The following ITGB1BP1 variants were observed in gnomAD, a reference collection of about 807,000 sequenced individuals.
The protein encoded by ITGB1BP1 is integrin subunit beta 1 binding protein 1.
ITGB1BP1 carries 20 observed loss-of-function variants against 28.0 expected under a neutral mutation model. That is an observed-to-expected ratio of 0.71 (90% CI 0.50 to 1.04). The LOEUF (loss-of-function observed/expected upper bound fraction) is 1.04. ITGB1BP1 is among the 50% of genes least tolerant of loss of function. The pLI, the probability that ITGB1BP1 is intolerant of heterozygous loss-of-function variation, is 0.00. For synonymous variants in ITGB1BP1, 103 were observed against 89.5 expected, an observed-to-expected ratio of 1.15 and a Z score of -0.85; for missense variants, 228 against 242.5, an observed-to-expected ratio of 0.94 and a Z score of 0.40.
chr2:9,418,361 A>T (rs1268178309), intron 2 of ITGB1BP1, among the ~76,000 whole-genome samples: 1 of 152,216 alleles, frequency 6.6e-6, no homozygotes, highest in African/African-American at 2.4e-5. Context: ...AAAATTTTTT[A>T]AATCAGTGCT....
In ITGB1BP1 at chr2:9,403,723, G is replaced by A. The variant is rs11537589; in HGVS notation, c.*3111C>T. 26,935 of 170,368 alleles carry A rather than the reference G, an allele frequency of 0.16. 2,529 individuals are homozygous for A. Among genetic ancestry groups the A allele is most frequent in the Middle Eastern group, 0.26 (92 of 358 alleles). 10.6% of individuals were successfully genotyped at this position (170,368 alleles called of 1,614,324 possible). On this transcript the variant is annotated 3_prime_UTR_variant, in exon 7 of 7. Coordinates refer to ENST00000355346, the MANE Select transcript of ITGB1BP1 (RefSeq NM_004763.5). ...CTTTATCACAATTATTATTTTAGGCGGCCAGTGAACTGCTGCTTCAGAAGT... is the reference window on the plus strand; with the variant it reads ...CTTTATCACAATTATTATTTTAGGCAGCCAGTGAACTGCTGCTTCAGAAGT...
At chr2:9,412,042 CAAA>C (rs56249290) in intron 4 of ITGB1BP1, 6,220 of 227,026 alleles carry the variant, frequency 0.027, no homozygotes, top group South Asian at 0.036. Context: ...AACTTGGTCT[CAAA>C]AAAAAAAAAA....
Position 9,408,205 on chromosome 2 carries a change from G to T in ITGB1BP1, c.289C>A (p.Gln97Lys). The change falls in exon 5 of 7, where the codon CAA (glutamine) becomes AAA (lysine). Residue 97 changes from glutamine to lysine, a missense_variant and splice_region_variant. Physicochemically the swap from Gln to Lys is moderately conservative, Grantham distance 53 (BLOSUM62 1). Coordinates refer to ENST00000355346, the MANE Select transcript of ITGB1BP1 (RefSeq NM_004763.5). ...DLINYIDVAQ[Q>K]DGKLPFVPPE... is the part of the protein sequence containing the mutation. ...GGAACAAAAGGCAACTTTCCATCTTGCTTTAAAGTAAAAATAAATTCCATG... is the reference window on the plus strand; with the variant it reads ...GGAACAAAAGGCAACTTTCCATCTTTCTTTAAAGTAAAAATAAATTCCATG... 2 of 1,559,278 alleles carry T rather than the reference G, an allele frequency of 1.3e-6. No individual in the cohort carries two copies. Among genetic ancestry groups the T allele is most frequent in the Non-Finnish European group, 1.8e-6 (2 of 1,132,426 alleles).
In ITGB1BP1 at chr2:9,423,449, C is replaced by A; in HGVS notation, c.-112G>T. 1 of 1,159,508 alleles carries A rather than the reference C, an allele frequency of 8.6e-7. No individual in the cohort carries two copies. The highest frequency in any genetic ancestry group is 1.1e-6 in the Non-Finnish European group (1 of 933,296). 71.8% of individuals were successfully genotyped at this position (1,159,508 alleles called of 1,614,324 possible). ...AGTGCCGCGGCCTTTGGCGCCCAGG[C>A]AGCTACTCCCGTTCCCGCTCCAGCG... On this transcript the variant is annotated 5_prime_UTR_variant, in exon 1 of 7. Transcript: ENST00000355346.
rs946177371 is a variant in ITGB1BP1, at chr2:9,405,698, T to G, written c.*1136A>C. On this transcript the variant is annotated 3_prime_UTR_variant, in exon 7 of 7. Transcript: ENST00000355346. ...AATGGACATGGTTTTATTTTTAATGTTTTTAATCTTTAAAGTTTTGTATAT... is the reference window on the plus strand; with the variant it reads ...AATGGACATGGTTTTATTTTTAATGGTTTTAATCTTTAAAGTTTTGTATAT... 1.3e-5 allele frequency: 2 copies of G among 152,380 alleles called. No homozygotes were observed. The highest frequency in any genetic ancestry group is 4.8e-5 in the African/African-American group (2 of 41,450). The allele number at this position is 152,380 out of a possible 1,614,324, so 9.4% of individuals were successfully genotyped here.
intron 3 of ITGB1BP1, among the ~76,000 whole-genome samples, chr2:9,413,582 G>C (rs1678738227): frequency 6.6e-6 from 1 of 152,088 alleles, no homozygotes; most frequent in African/African-American, 2.4e-5. Flanking sequence ...CACCTGCCTT[G>C]GACCCCCGAA....
Position 9,404,528 on chromosome 2 carries a change from G to A in ITGB1BP1, c.*2306C>T, listed in dbSNP as rs149243909. 2.0e-5 allele frequency: 3 copies of A among 152,396 alleles called. No individual in the cohort carries two copies. In the East Asian group the frequency reaches 5.8e-4, roughly 29 times the overall value. The allele number at this position is 152,396 out of a possible 1,614,324, so 9.4% of individuals were successfully genotyped here. On this transcript the variant is annotated 3_prime_UTR_variant, in exon 7 of 7. Coordinates refer to ENST00000355346, the MANE Select transcript of ITGB1BP1 (RefSeq NM_004763.5). ...ACTGTCATACCTCTATTTAGTAATTGCGAGGGTAAGATTCATAGTAGGAAT... is the reference window on the plus strand; with the variant it reads ...ACTGTCATACCTCTATTTAGTAATTACGAGGGTAAGATTCATAGTAGGAAT...
intron 1 of ITGB1BP1, chr2:9,422,778 C>T: frequency 2.0e-6 from 2 of 985,818 alleles, no homozygotes; most frequent in East Asian, 1.1e-4. Context: ...TGCACAGATC[C>T]CTCTCACCCT....
Position 9,406,866 on chromosome 2 carries a change from A to G in ITGB1BP1, c.571T>C (p.Phe191Leu). ...TTCTCAGATGTTAATACAGAGTCAA[A>G]AGCGGTGGATAAAACCTTGCAAATG... ...QAICKVLSTA[F>L]DSVLTSEKP The change falls in exon 7 of 7, where the codon TTT becomes CTT. Residue 191 changes from phenylalanine to leucine, a missense_variant. Transcript: ENST00000355346. The G allele has an allele frequency of 1.2e-6, 2 of 1,613,610 alleles. No homozygotes were observed. Among genetic ancestry groups the G allele is most frequent in the South Asian group, 2.2e-5 (2 of 91,066 alleles).
In ITGB1BP1 at chr2:9,405,789, A is replaced by G. The variant is rs1427860540; in HGVS notation, c.*1045T>C. On this transcript the variant is annotated 3_prime_UTR_variant, in exon 7 of 7. Transcript: ENST00000355346. ...GGGATCTTTACATACTTTTAGCATG[A>G]GCGGTAATCTTTTAAGGTTCTCTTA... The G allele has an allele frequency of 1.3e-5, 2 of 152,218 alleles. No individual in the cohort carries two copies. The highest frequency in any genetic ancestry group is 2.1e-4 in the South Asian group (1 of 4,828). 9.4% of individuals were successfully genotyped at this position (152,218 alleles called of 1,614,324 possible). A position where few individuals can be genotyped will look rare whatever the true frequency, so the allele number is the denominator to read the frequency against.
intron 4 of ITGB1BP1, among the ~76,000 whole-genome samples, chr2:9,410,008 C>A (rs1311493590): frequency 3.3e-5 from 5 of 151,974 alleles, no homozygotes; most frequent in Non-Finnish European, 7.4e-5. Flanking sequence ...CCACACCCAA[C>A]TAATTTTTTT....
At chr2:9,418,965 G>A (rs528789627) in intron 1 of ITGB1BP1, among the ~76,000 whole-genome samples, 26 of 152,208 alleles carry the variant, frequency 1.7e-4, no homozygotes, top group Admixed American at 1.3e-3. Context: ...TGTTGGCCAG[G>A]CTGGTCTCAA....
At chr2:9,421,587 T>C (rs1679852993) in intron 1 of ITGB1BP1, among the ~76,000 whole-genome samples, 1 of 150,278 alleles carries the variant, frequency 6.7e-6, no homozygotes, top group Non-Finnish European at 1.5e-5. Flanking sequence ...CTCAGGAGCC[T>C]GAGGCAGGAG....
At chr2:9,419,622 T>C (rs1679547528) in intron 1 of ITGB1BP1, among the ~76,000 whole-genome samples, 2 of 152,160 alleles carry the variant, frequency 1.3e-5, no homozygotes, top group Admixed American at 6.6e-5. Context: ...AATAAATGCA[T>C]TGGAAACTAA....
At chr2:9,407,060 G>A in intron 6 of ITGB1BP1, 155 bp from the exon 7 acceptor site, 1 of 650,374 alleles carries the variant, frequency 1.5e-6, no homozygotes, top group Non-Finnish European at 2.8e-6. Flanking sequence ...CATACTATGA[G>A]CTTCCCTGCA....
chr2:9,422,426 C>G (rs1480822985), intron 1 of ITGB1BP1: 3 of 985,498 alleles, frequency 3.0e-6, no homozygotes, highest in East Asian at 2.3e-4. Context: ...CGCGCCCCTG[C>G]TTTGCACCGC....
chr2:9,409,612 T>C (rs926179281), intron 4 of ITGB1BP1, among the ~76,000 whole-genome samples: 17 of 152,298 alleles, frequency 1.1e-4, no homozygotes, highest in Non-Finnish European at 2.1e-4. Flanking sequence ...ACTACAACTT[T>C]AAGCGAAATC....
At position 9,412,374 on chromosome 2, in the gene ITGB1BP1, T is replaced by C. The variant is rs201370938; in HGVS notation, c.183A>G (p.Ala61=). ...CACCAACATATTTTATTCGAAATTCTGCACAGGTATCTGAATTATTGTTGC... is the reference window on the plus strand; with the variant it reads ...CACCAACATATTTTATTCGAAATTCCGCACAGGTATCTGAATTATTGTTGC... The part of the protein sequence containing the change: ...GQSNNNSDTC[A]EFRIKYVGAI... Residue 61 remains alanine (A), a synonymous_variant, in exon 4 of 7, where the codon GCA becomes GCG. Transcript: ENST00000355346. 3 of 1,609,958 alleles carry C rather than the reference T, an allele frequency of 1.9e-6. No individual in the cohort carries two copies. Among genetic ancestry groups the C allele is most frequent in the African/African-American group, 2.7e-5 (2 of 74,658 alleles).
intron 4 of ITGB1BP1, among the ~76,000 whole-genome samples, chr2:9,410,846 G>A: frequency 6.6e-6 from 1 of 152,148 alleles, no homozygotes; most frequent in East Asian, 1.9e-4. Context: ...CCAAAATGCT[G>A]GGATTACAGA....
Sources: gnomAD v4.1 joint callset for allele counts (sites outside exome capture counted in the v4.1 genomes callset) on GRCh38, gnomAD v4.1.1 for gene constraint, MANE v1.5 for transcripts, NCBI Gene and HGNC (gene_info 2026-07-23, HGNC 2026-07-21) for gene names.